The following ADORA1 variants were observed in gnomAD, a reference collection of about 807,000 sequenced individuals.
ADORA1 encodes the protein adenosine A1 receptor, also known as adenosine receptor A1.
Under a neutral mutation model 19.9 loss-of-function variants are expected in ADORA1, and 6 were observed. That is an observed-to-expected ratio of 0.30 (90% CI 0.17 to 0.59). The LOEUF (loss-of-function observed/expected upper bound fraction) is 0.59. Ranked by LOEUF, ADORA1 falls within the 20% of genes least tolerant of loss-of-function variation. The probability of loss-of-function intolerance (pLI) is 0.87; values close to 1 mark genes in which losing one functional copy is unlikely to be tolerated. For missense variants in ADORA1, 302 were observed against 439.2 expected (o/e 0.69, Z 2.79); for synonymous variants, 194 against 188.4 (o/e 1.03, Z -0.24).
At position 203,128,286 on chromosome 1, in the gene ADORA1, G is replaced by A; in HGVS notation, c.-204G>A. Reference sequence around the variant, plus strand: ...ATGTGATTGCTTGAAAGGCCGGGCTGGGAGCGCTGCGGCGGGAGCCGGAGG... The same window carrying A: ...ATGTGATTGCTTGAAAGGCCGGGCTAGGAGCGCTGCGGCGGGAGCCGGAGG... On this transcript the variant is annotated 5_prime_UTR_variant, in exon 2 of 4. Coordinates refer to ENST00000337894, the MANE Select transcript of ADORA1 (RefSeq NM_000674.3). The surrounding 1 kb of genome is among the most constrained non-coding windows in gnomAD (Gnocchi z 5.9). 1 of 1,270,546 alleles carries A rather than the reference G, an allele frequency of 7.9e-7. No individual in the cohort carries two copies. The highest frequency in any genetic ancestry group is 1.0e-6 in the Non-Finnish European group (1 of 974,250). 78.7% of individuals were successfully genotyped at this position (1,270,546 alleles called of 1,614,324 possible). A position where few individuals can be genotyped will look rare whatever the true frequency, so the allele number is the denominator to read the frequency against.
rs760024197 is a variant in ADORA1, at chr1:203,128,877, C to T, written c.36C>T (p.Tyr12=). 10 of 1,609,584 alleles carry T rather than the reference C, an allele frequency of 6.2e-6. No individual in the cohort carries two copies. In the Admixed American group the frequency reaches 1.3e-4, roughly 21 times the overall value. ...PPSISAFQAA[Y]IGIEVLIALV... ...CCATCTCAGCTTTCCAGGCCGCCTA[C>T]ATCGGCATCGAGGTGCTCATCGCCC... Residue 12 remains tyrosine (Y), a synonymous_variant, in exon 3 of 4, where the codon TAC becomes TAT. Transcript: ENST00000337894. This position sits in a 1 kb window ranked among gnomAD's most constrained non-coding sequence, Gnocchi z 5.9.
intron 3 of ADORA1, among the ~76,000 whole-genome samples, chr1:203,132,974 G>T (rs1654388597): frequency 6.6e-6 from 1 of 152,106 alleles, no homozygotes; most frequent in Non-Finnish European, 1.5e-5. Flanking sequence ...TGGGATCCCG[G>T]GAGGGTTTTG....
intron 3 of ADORA1, among the ~76,000 whole-genome samples, chr1:203,133,078 T>C (rs75683960): frequency 0.03 from 4,520 of 152,236 alleles, 99 homozygotes; most frequent in Non-Finnish European, 0.047. Flanking sequence ...ATAGTCTCAC[T>C]AGTAGAGCTT....
At chr1:203,159,383 TCTGA>T (rs1289066210) in intron 3 of ADORA1, among the ~76,000 whole-genome samples, 1 of 152,236 alleles carries the variant, frequency 6.6e-6, no homozygotes, top group African/African-American at 2.4e-5. Flanking sequence ...AGGTCTCTTC[TCTGA>T]CTGAGCCGGC....
In ADORA1 at chr1:203,128,745, C is replaced by T; in HGVS notation, c.-57-40C>T. The T allele has an allele frequency of 6.6e-7, 1 of 1,510,432 alleles. No homozygotes were observed. Among genetic ancestry groups the T allele is most frequent in the Non-Finnish European group, 8.8e-7 (1 of 1,137,468 alleles). 93.6% of individuals were successfully genotyped at this position (1,510,432 alleles called of 1,614,324 possible). The stretch of plus-strand genomic sequence containing the variant: ...GGCAGCCTGAGCTCCCTGCCCCTCC[C>T]AGACGGGTCTCCCCATCCCAGGCTT... On this transcript the variant is annotated intron_variant, in intron 2 of 3. Coordinates refer to ENST00000337894, the MANE Select transcript of ADORA1 (RefSeq NM_000674.3). The surrounding 1 kb of genome is among the most constrained non-coding windows in gnomAD (Gnocchi z 5.9).
chr1:203,127,944 G>C lies in ADORA1; in HGVS notation c.-213+16G>C, dbSNP rs200545284. The C allele has an allele frequency of 8.5e-4, 136 of 159,702 alleles. No individual in the cohort carries two copies. The highest frequency in any genetic ancestry group is 1.1e-3 in the Non-Finnish European group (80 of 72,996). 9.9% of individuals were successfully genotyped at this position (159,702 alleles called of 1,614,324 possible). On this transcript the variant is annotated intron_variant, in intron 1 of 3. Transcript: ENST00000337894. ...GTGACCTTGGGTAAGTCTGAGTCTC[G>C]GTTCACCCCTGGGGCTCCCCAATGG...
chr1:203,150,779 G>A, intron 3 of ADORA1: 2 of 1,289,692 alleles, frequency 1.6e-6, no homozygotes, highest in Non-Finnish European at 2.0e-6. Context: ...GATTTCCAAG[G>A]TGGTGAGCTC....
At chr1:203,134,378 G>A (rs1356786905) in intron 3 of ADORA1, among the ~76,000 whole-genome samples, 1 of 152,228 alleles carries the variant, frequency 6.6e-6, no homozygotes, top group Non-Finnish European at 1.5e-5. Flanking sequence ...GTTGCTTTGT[G>A]ATTGAGAAGA....
At chr1:203,142,310 C>T (rs1452118818) in intron 3 of ADORA1, among the ~76,000 whole-genome samples, 1 of 152,160 alleles carries the variant, frequency 6.6e-6, no homozygotes, top group Admixed American at 6.5e-5. Context: ...GAGGGCAGGG[C>T]GTGGTACTGT....
At chr1:203,129,429 T>C (rs1654263438) in intron 3 of ADORA1, among the ~76,000 whole-genome samples, 1 of 152,150 alleles carries the variant, frequency 6.6e-6, no homozygotes, top group African/African-American at 2.4e-5. Context: ...GCTGAAGCTC[T>C]TGCAGCCAGG....
chr1:203,165,267 G>T lies in ADORA1; in HGVS notation c.348G>T (p.Lys116Asn). ...CTGCCCTCCTCTCCCCCAGGTACAA[G>T]ATGGTGGTGACCCCCCGGAGGGCGG... ...YLRVKIPLRY[K>N]MVVTPRRAAV... The change falls in exon 4 of 4, where the codon AAG becomes AAT. Residue 116 changes from lysine to asparagine, a missense_variant. Physicochemically the swap from Lys to Asn is moderately conservative, Grantham distance 94. Transcript: ENST00000337894. The surrounding 1 kb of genome is among the most constrained non-coding windows in gnomAD (Gnocchi z 5.9). The T allele has an allele frequency of 6.3e-7, 1 of 1,586,826 alleles. No individual in the cohort carries two copies.
At chr1:203,140,943 G>A (rs1315374201) in intron 3 of ADORA1, among the ~76,000 whole-genome samples, 1 of 152,238 alleles carries the variant, frequency 6.6e-6, no homozygotes, top group East Asian at 1.9e-4. Context: ...TCTTATCATT[G>A]CTGGAATGCA....
At position 203,128,249 on chromosome 1, in the gene ADORA1, C is replaced by T. The variant is rs201669386; in HGVS notation, c.-212-29C>T. The T allele has an allele frequency of 2.7e-5, 31 of 1,136,152 alleles. No homozygotes were observed. The highest frequency in any genetic ancestry group is 3.5e-5 in the Non-Finnish European group (30 of 869,150). The allele number at this position is 1,136,152 out of a possible 1,614,324, so 70.4% of individuals were successfully genotyped here. A position where few individuals can be genotyped will look rare whatever the true frequency, so the allele number is the denominator to read the frequency against. ...TCTTTAAAAGCGTCCGGGGCTGAGTCTCTGCCGTACCATGTGATTGCTTGA... is the reference window on the plus strand; with the variant it reads ...TCTTTAAAAGCGTCCGGGGCTGAGTTTCTGCCGTACCATGTGATTGCTTGA... On this transcript the variant is annotated intron_variant, in intron 1 of 3. Coordinates refer to ENST00000337894, the MANE Select transcript of ADORA1 (RefSeq NM_000674.3). The surrounding 1 kb of genome is among the most constrained non-coding windows in gnomAD (Gnocchi z 5.9).
At chr1:203,142,385 A>T (rs1654723507) in intron 3 of ADORA1, among the ~76,000 whole-genome samples, 1 of 152,226 alleles carries the variant, frequency 6.6e-6, no homozygotes, top group Non-Finnish European at 1.5e-5. Flanking sequence ...TAGGTGGCTT[A>T]ATCAATGTCT....
At chr1:203,161,282 C>T (rs893442574) in intron 3 of ADORA1, among the ~76,000 whole-genome samples, 3 of 152,190 alleles carry the variant, frequency 2.0e-5, no homozygotes, top group African/African-American at 4.8e-5. Flanking sequence ...CTAATTCATA[C>T]TATGGAGTTC....
At chr1:203,160,675 A>G (rs1655334815) in intron 3 of ADORA1, among the ~76,000 whole-genome samples, 2 of 152,172 alleles carry the variant, frequency 1.3e-5, no homozygotes, top group Admixed American at 1.3e-4. Context: ...ATAGCTGGGC[A>G]TGGTGGCACA....
intron 3 of ADORA1, among the ~76,000 whole-genome samples, chr1:203,133,100 C>T (rs927777538): frequency 6.6e-6 from 1 of 151,686 alleles, no homozygotes; most frequent in East Asian, 1.9e-4. Flanking sequence ...TTGTTACCCC[C>T]ATTGTATAGA....
rs1655535555 is a variant in ADORA1 at position 203,165,872 on chromosome 1, A to T, written c.953A>T (p.Asp318Val). The T allele has an allele frequency of 1.3e-6, 2 of 1,576,820 alleles. No homozygotes were observed. Among genetic ancestry groups the T allele is most frequent in the Non-Finnish European group, 1.7e-6 (2 of 1,160,758 alleles). ...CAGCCTGCACCTCCCATTGACGAGG[A>T]TCTCCCAGAAGAGAGGCCTGATGAC... ...RCQPAPPIDE[D>V]LPEERPDD The change falls in exon 4 of 4, where the codon GAT becomes GTT. Residue 318 changes from aspartate (D) to valine (V), a missense_variant. By Grantham distance (152) the Asp-to-Val change is radical. Coordinates refer to ENST00000337894, the MANE Select transcript of ADORA1 (RefSeq NM_000674.3). The surrounding 1 kb of genome is among the most constrained non-coding windows in gnomAD (Gnocchi z 5.9).
chr1:203,145,641 A>T (rs529534793), intron 3 of ADORA1, among the ~76,000 whole-genome samples: 1 of 152,230 alleles, frequency 6.6e-6, no homozygotes, highest in African/African-American at 2.4e-5. Context: ...TGTGTGCCCG[A>T]GGCTGTTCTC....
Sources: gnomAD v4.1 joint callset for allele counts (sites outside exome capture counted in the v4.1 genomes callset) on GRCh38, gnomAD v4.1.1 for gene constraint, Gnocchi (gnomAD v3.1) non-coding constraint, MANE v1.5 for transcripts, NCBI Gene and HGNC (gene_info 2026-07-23, HGNC 2026-07-21) for gene names.